The following UIMC1 variants were observed in gnomAD, a reference collection of about 807,000 sequenced individuals.
UIMC1 encodes the protein BRCA1-A complex subunit RAP80.
A neutral mutation model predicts 84.9 loss-of-function variants in UIMC1; 42 were observed. The ratio of observed to expected loss-of-function variants is 0.49; its 90% CI spans 0.39 to 0.64. The LOEUF is 0.64. Among genes scored for constraint, UIMC1 ranks in the 30% least tolerant of loss-of-function variants. The probability of loss-of-function intolerance (pLI) is 0.00; values close to 1 mark genes in which losing one functional copy is unlikely to be tolerated. For missense variants in UIMC1, 825 were observed against 847.6 expected (o/e 0.97, Z 0.33); for synonymous variants, 281 against 293.0 (o/e 0.96, Z 0.42).
At chr5:177,003,610 G>A (rs1308086654) in intron 1 of UIMC1, among the ~76,000 whole-genome samples, 1 of 152,062 alleles carries the variant, frequency 6.6e-6, no homozygotes, top group Admixed American at 6.6e-5. Context: ...CCAAGACTGC[G>A]CCACTGCACT....
At chr5:176,952,755 C>A (rs1766048932) in intron 8 of UIMC1, among the ~76,000 whole-genome samples, 1 of 152,132 alleles carries the variant, frequency 6.6e-6, no homozygotes, top group South Asian at 2.1e-4. Flanking sequence ...TATGATCACA[C>A]CACTGCACTC....
chr5:176,932,822 A>G (rs1318808169), intron 10 of UIMC1, among the ~76,000 whole-genome samples: 3 of 136,614 alleles, frequency 2.2e-5, no homozygotes, highest in Admixed American at 1.5e-4. Flanking sequence ...TCTTCATTCT[A>G]TCTCTAGCTT....
chr5:176,950,100 C>G (rs903754041), intron 9 of UIMC1, among the ~76,000 whole-genome samples: 1 of 108,658 alleles, frequency 9.2e-6, no homozygotes, highest in Non-Finnish European at 1.8e-5. Context: ...AGGAACCTTT[C>G]TTTTTTTTTT....
intron 6 of UIMC1, among the ~76,000 whole-genome samples, chr5:176,966,568 CTT>C (rs1314597256): frequency 6.6e-6 from 1 of 152,080 alleles, no homozygotes; most frequent in Non-Finnish European, 1.5e-5. Flanking sequence ...ACAGAATACT[CTT>C]TAAAATTACA....
intron 6 of UIMC1, among the ~76,000 whole-genome samples, chr5:176,963,201 T>C (rs1403118223): frequency 1.4e-5 from 2 of 143,582 alleles, no homozygotes; most frequent in Non-Finnish European, 3.1e-5. Flanking sequence ...AAAGAATTAT[T>C]ATCAAAGGGT....
intron 6 of UIMC1, among the ~76,000 whole-genome samples, chr5:176,967,357 G>A (rs1206530425): frequency 1.3e-5 from 2 of 151,596 alleles, no homozygotes; most frequent in Non-Finnish European, 2.9e-5. Flanking sequence ...GATATTAAAT[G>A]AAAAAAGTAG....
chr5:176,977,596 AAG>A (rs1164775559), intron 2 of UIMC1, among the ~76,000 whole-genome samples: 1,254 of 117,642 alleles, frequency 0.011, 26 homozygotes, highest in Middle Eastern at 0.027. Context: ...AAAAAAAAAA[AAG>A]AAAAGAAAAA....
At chr5:176,924,192 C>T (rs1762098479) in intron 10 of UIMC1, among the ~76,000 whole-genome samples, 1 of 151,664 alleles carries the variant, frequency 6.6e-6, no homozygotes, top group Non-Finnish European at 1.5e-5. Context: ...GTGGCAGGTG[C>T]CTGTAATCCC....
At chr5:176,999,882 A>G (rs548574274) in intron 1 of UIMC1, among the ~76,000 whole-genome samples, 9 of 152,258 alleles carry the variant, frequency 5.9e-5, no homozygotes, top group African/African-American at 2.2e-4. Flanking sequence ...ATATCTCTTC[A>G]ATATACTGAT....
intron 9 of UIMC1, among the ~76,000 whole-genome samples, chr5:176,949,955 G>A (rs913767886): frequency 4.0e-5 from 6 of 151,768 alleles, no homozygotes; most frequent in African/African-American, 1.5e-4. Context: ...TTGGGAGGCT[G>A]AGGCATGAGA....
chr5:176,976,883 G>C lies in UIMC1; in HGVS notation c.148-1403C>G, dbSNP rs1338067732. ...TGGAGACTGGCACAGTATAGTGTGG[G>C]GTGAGGCTGACGAGGGCAGTGGCCA... is the stretch of plus-strand genomic sequence containing the variant. On this transcript the variant is annotated intron_variant, in intron 2 of 14. Transcript: ENST00000511320. 2.0e-5 allele frequency among the ~76,000 whole-genome samples: 3 copies of C among 152,200 alleles called. No individual in the cohort carries two copies. The East Asian group carries it at 5.8e-4, about 29-fold the overall frequency.
intron 10 of UIMC1, among the ~76,000 whole-genome samples, chr5:176,912,231 A>G (rs952642692): frequency 6.6e-6 from 1 of 152,236 alleles, no homozygotes; most frequent in Non-Finnish European, 1.5e-5. Context: ...TAGTCTTGGT[A>G]GGACATATGG....
At chr5:176,911,027 T>A (rs1256209202) in intron 11 of UIMC1, among the ~76,000 whole-genome samples, 1 of 149,438 alleles carries the variant, frequency 6.7e-6, no homozygotes, top group African/African-American at 2.5e-5. Context: ...AGGCGGAGGT[T>A]ATGGTGAGCT....
At chr5:176,921,032 A>G (rs1287542242) in intron 10 of UIMC1, among the ~76,000 whole-genome samples, 2 of 152,134 alleles carry the variant, frequency 1.3e-5, no homozygotes, top group African/African-American at 2.4e-5. Context: ...GTCCATTTAG[A>G]TATCGTGTGG....
chr5:176,906,841 A>G (rs1213985256), intron 13 of UIMC1, among the ~76,000 whole-genome samples: 3 of 152,216 alleles, frequency 2.0e-5, no homozygotes, highest in Non-Finnish European at 4.4e-5. Flanking sequence ...GGCTTGTCGT[A>G]TTCCCCTGTG....
intron 6 of UIMC1, 130 bp from the exon 7 acceptor site, chr5:176,958,284 A>T (rs1327429966): frequency 1.5e-6 from 1 of 676,780 alleles, no homozygotes; most frequent in Non-Finnish European, 2.3e-6. Flanking sequence ...TATTTTCCAT[A>T]AGCCAGTAAG....
intron 1 of UIMC1, among the ~76,000 whole-genome samples, chr5:176,995,291 G>A (rs572356270): frequency 9.2e-5 from 14 of 151,984 alleles, no homozygotes; most frequent in Non-Finnish European, 1.9e-4. Flanking sequence ...GCTCACACTT[G>A]TAATCCCAGC....
intron 6 of UIMC1, among the ~76,000 whole-genome samples, chr5:176,959,715 C>CAAAA (rs1169116401): frequency 1.9e-5 from 1 of 53,926 alleles, no homozygotes; most frequent in African/African-American, 6.3e-5. Flanking sequence ...GACTCCGTCT[C>CAAAA]AAAAAAAAAA....
intron 12 of UIMC1, 163 bp from the exon 13 acceptor site, chr5:176,907,340 A>C: frequency 1.6e-6 from 1 of 621,638 alleles, no homozygotes; most frequent in Non-Finnish European, 2.8e-6. Flanking sequence ...ACAAGTGAAA[A>C]AGCAAACTAT....
Sources: gnomAD v4.1 joint callset for allele counts (sites outside exome capture counted in the v4.1 genomes callset) on GRCh38, gnomAD v4.1.1 for gene constraint, MANE v1.5 for transcripts, NCBI Gene and HGNC (gene_info 2026-07-23, HGNC 2026-07-21) for gene names.